LUZP2: variants seen among roughly 807,000 people sequenced by gnomAD.
LUZP2 encodes the protein leucine zipper protein 2.
LUZP2 carries 52 observed loss-of-function variants against 51.6 expected under a neutral mutation model. The ratio of observed to expected loss-of-function variants is 1.01; its 90% CI spans 0.81 to 1.27. The LOEUF (loss-of-function observed/expected upper bound fraction) is 1.27. Among genes scored for constraint, LUZP2 ranks in the 50% most tolerant of loss-of-function variants. LUZP2 has a pLI of 0.00. For missense variants in LUZP2, 436 were observed against 395.4 expected (o/e 1.10, Z -0.87); for synonymous variants, 154 against 137.3 (o/e 1.12, Z -0.85).
At chr11:25,063,318 G>A (rs1298475874) in intron 10 of LUZP2, among the ~76,000 whole-genome samples, 1 of 151,494 alleles carries the variant, frequency 6.6e-6, no homozygotes, top group Non-Finnish European at 1.5e-5. Context: ...TATCTGTGTG[G>A]GATGATGGAA....
At chr11:24,944,130 G>A (rs1172220112) in intron 7 of LUZP2, among the ~76,000 whole-genome samples, 1 of 152,102 alleles carries the variant, frequency 6.6e-6, no homozygotes, top group East Asian at 1.9e-4. Flanking sequence ...AGAATCATCT[G>A]AAGATCTTTA....
chr11:24,579,538 T>A (rs143858339), intron 1 of LUZP2, among the ~76,000 whole-genome samples: 81 of 152,236 alleles, frequency 5.3e-4, no homozygotes, highest in Non-Finnish European at 1.0e-3. Flanking sequence ...GTTTCAACTT[T>A]TGATTCTTTG....
chr11:24,897,077 C>G (rs775109171), intron 5 of LUZP2, among the ~76,000 whole-genome samples: 36 of 152,132 alleles, frequency 2.4e-4, no homozygotes, highest in Non-Finnish European at 2.9e-4. Context: ...TGCTCTGTGT[C>G]TAGTTAACCT....
At chr11:24,838,076 A>T (rs1850910715) in intron 5 of LUZP2, among the ~76,000 whole-genome samples, 1 of 141,338 alleles carries the variant, frequency 7.1e-6, no homozygotes, top group African/African-American at 2.6e-5. Flanking sequence ...TTCTCATTTA[A>T]TATGTGGTCC....
intron 9 of LUZP2, among the ~76,000 whole-genome samples, chr11:25,049,173 C>T (rs1858410410): frequency 1.3e-5 from 2 of 152,084 alleles, no homozygotes; most frequent in Admixed American, 1.3e-4. Flanking sequence ...TTCCTCGACC[C>T]CTAATGGATA....
At chr11:24,580,822 G>A (rs1033142650) in intron 1 of LUZP2, among the ~76,000 whole-genome samples, 4 of 152,004 alleles carry the variant, frequency 2.6e-5, no homozygotes, top group African/African-American at 4.8e-5. Flanking sequence ...CATTAATAAG[G>A]AAAGCTCTTT....
chr11:24,529,782 G>A (rs1022730938), intron 1 of LUZP2, among the ~76,000 whole-genome samples: 1 of 150,844 alleles, frequency 6.6e-6, no homozygotes, highest in African/African-American at 2.4e-5. Context: ...ATTAAATATA[G>A]ATATCCTGTC....
At chr11:24,789,117 T>A (rs574841974) in intron 5 of LUZP2, among the ~76,000 whole-genome samples, 2 of 152,288 alleles carry the variant, frequency 1.3e-5, no homozygotes, top group Admixed American at 1.3e-4. Flanking sequence ...ATTTCACCCA[T>A]TATTACTCTG....
chr11:24,624,618 A>G (rs1854615544), intron 1 of LUZP2, among the ~76,000 whole-genome samples: 2 of 152,114 alleles, frequency 1.3e-5, no homozygotes, highest in Non-Finnish European at 1.5e-5. Context: ...ATAGGTGTGG[A>G]TTATATGGTT....
intron 7 of LUZP2, among the ~76,000 whole-genome samples, chr11:24,948,113 T>G (rs1158945235): frequency 6.6e-6 from 1 of 151,812 alleles, no homozygotes; most frequent in Non-Finnish European, 1.5e-5. Context: ...TCTTAATTCT[T>G]TTTTCTCTGT....
chr11:24,915,709 A>G (rs1853769975), intron 7 of LUZP2, among the ~76,000 whole-genome samples: 1 of 152,080 alleles, frequency 6.6e-6, no homozygotes, highest in Non-Finnish European at 1.5e-5. Context: ...TAGATTAGAT[A>G]GGTAGATAGA....
intron 5 of LUZP2, among the ~76,000 whole-genome samples, chr11:24,868,996 G>T (rs544434942): frequency 1.3e-5 from 2 of 152,110 alleles, no homozygotes; most frequent in African/African-American, 2.4e-5. Context: ...ATGTATTTTC[G>T]CTATGTATCT....
In LUZP2 at chr11:24,667,375, CAG is replaced by C. The variant is rs1321436623; in HGVS notation, c.63-61791_63-61790del. The stretch of plus-strand genomic sequence containing the variant: ...ATTTTTTTTGTATTTGTAGTAGAGA[CAG>C]AGTTTCACCATGTTGGTCAGGCTGG... On this transcript the variant is annotated intron_variant, in intron 1 of 11. Coordinates refer to ENST00000336930, the MANE Select transcript of LUZP2 (RefSeq NM_001009909.4). Among the ~76,000 whole-genome samples, 8 of 151,954 alleles carry C rather than the reference CAG, an allele frequency of 5.3e-5. 1 individual carries two copies. In the South Asian group the frequency reaches 1.7e-3, roughly 32 times the overall value.
At chr11:24,802,882 T>C (rs1407793883) in intron 5 of LUZP2, among the ~76,000 whole-genome samples, 1 of 152,042 alleles carries the variant, frequency 6.6e-6, no homozygotes, top group East Asian at 1.9e-4. Context: ...ATATAAAAGG[T>C]TGAAGAGAGC....
chr11:24,607,829 A>AT (rs36035163), intron 1 of LUZP2, among the ~76,000 whole-genome samples: 11,135 of 145,144 alleles, frequency 0.077, 663 homozygotes, highest in African/African-American at 0.17. Flanking sequence ...TCTCTATTTT[A>AT]TTTTTTTTTT....
At chr11:25,029,339 A>G (rs1309793069) in intron 9 of LUZP2, among the ~76,000 whole-genome samples, 1 of 152,204 alleles carries the variant, frequency 6.6e-6, no homozygotes, top group Non-Finnish European at 1.5e-5. Context: ...CATGTACTCC[A>G]TAAATATGTA....
intron 1 of LUZP2, among the ~76,000 whole-genome samples, chr11:24,649,687 G>A (rs777760563): frequency 3.3e-5 from 5 of 151,726 alleles, no homozygotes; most frequent in Non-Finnish European, 5.9e-5. Context: ...AACCTGAATC[G>A]GGAGTTTAAT....
At chr11:24,622,418 T>A (rs1316140447) in intron 1 of LUZP2, among the ~76,000 whole-genome samples, 1 of 152,074 alleles carries the variant, frequency 6.6e-6, no homozygotes, top group Non-Finnish European at 1.5e-5. Flanking sequence ...TTTCCTAGGC[T>A]GATCTCGAAT....
intron 7 of LUZP2, among the ~76,000 whole-genome samples, chr11:24,935,519 A>T (rs1296075870): frequency 6.6e-6 from 1 of 152,212 alleles, no homozygotes; most frequent in Non-Finnish European, 1.5e-5. Context: ...ATTATGGATT[A>T]AAAATTATGG....
Sources: gnomAD v4.1 joint callset for allele counts (sites outside exome capture counted in the v4.1 genomes callset) on GRCh38, gnomAD v4.1.1 for gene constraint, MANE v1.5 for transcripts, NCBI Gene and HGNC (gene_info 2026-07-23, HGNC 2026-07-21) for gene names.